NCAM2: variants seen among roughly 807,000 people sequenced by gnomAD.
NCAM2 encodes the protein neural cell adhesion molecule 2.
A neutral mutation model predicts 98.1 loss-of-function variants in NCAM2; 30 were observed. That is an observed-to-expected ratio of 0.31 (90% confidence interval 0.23 to 0.41). The LOEUF (loss-of-function observed/expected upper bound fraction) is 0.41. Ranked by LOEUF, NCAM2 falls within the 10% of genes least tolerant of loss-of-function variation. The probability of loss-of-function intolerance (pLI) is 1.00; values close to 1 mark genes in which losing one functional copy is unlikely to be tolerated. For missense variants in NCAM2, 867 were observed against 1,005.8 expected (o/e 0.86, Z 1.87); for synonymous variants, 368 against 342.4 (o/e 1.07, Z -0.83).
intron 8 of NCAM2, among the ~76,000 whole-genome samples, chr21:21,369,502 G>A: frequency 6.6e-6 from 1 of 151,604 alleles, no homozygotes. Context: ...ACAATTCTCT[G>A]TTTAACATTT....
intron 8 of NCAM2, among the ~76,000 whole-genome samples, chr21:21,362,618 T>C (rs528256122): frequency 6.6e-6 from 1 of 152,264 alleles, no homozygotes; most frequent in African/African-American, 2.4e-5. Context: ...CCATAAATCC[T>C]AGGGCATTGC....
chr21:21,094,128 G>C (rs971795424), intron 1 of NCAM2, among the ~76,000 whole-genome samples: 3 of 151,754 alleles, frequency 2.0e-5, no homozygotes, highest in African/African-American at 7.3e-5. Flanking sequence ...TGATACACTC[G>C]ATGCTAGGGA....
intron 13 of NCAM2, 53 bp from the exon 14 acceptor site, chr21:21,468,609 A>C (rs2250501): frequency 0.52 from 798,021 of 1,521,272 alleles, 216,975 homozygotes; most frequent in African/African-American, 0.59. Context: ...AATATAGTTT[A>C]TCTAGGTATC....
intron 1 of NCAM2, among the ~76,000 whole-genome samples, chr21:21,230,781 T>A (rs1047274667): frequency 1.3e-5 from 2 of 151,326 alleles, no homozygotes; most frequent in African/African-American, 4.8e-5. Flanking sequence ...TTTAAGGGCT[T>A]ATAATTTAAT....
chr21:21,325,477 C>G (rs2074488171), intron 6 of NCAM2, among the ~76,000 whole-genome samples: 1 of 152,116 alleles, frequency 6.6e-6, no homozygotes, highest in African/African-American at 2.4e-5. Flanking sequence ...TGAGATGTTT[C>G]TTCAAATATT....
intron 1 of NCAM2, among the ~76,000 whole-genome samples, chr21:21,034,706 C>T (rs1449441590): frequency 1.3e-5 from 2 of 152,094 alleles, no homozygotes; most frequent in South Asian, 2.1e-4. Context: ...ATGGATAGGG[C>T]TAGAATCTAT....
At chr21:21,458,147 G>T (rs746663438) in intron 12 of NCAM2, among the ~76,000 whole-genome samples, 3 of 152,194 alleles carry the variant, frequency 2.0e-5, no homozygotes, top group Non-Finnish European at 4.4e-5. Context: ...ATCTCACATC[G>T]TGGGCTCTGC....
At chr21:21,098,245 C>T (rs1260514126) in intron 1 of NCAM2, among the ~76,000 whole-genome samples, 1 of 151,234 alleles carries the variant, frequency 6.6e-6, no homozygotes, top group Non-Finnish European at 1.5e-5. Context: ...CTTTGGAAAC[C>T]TAATATTTAT....
At position 21,169,107 on chromosome 21, in the gene NCAM2, C is replaced by T. The variant is rs139256686; in HGVS notation, c.56-111471C>T. Among the ~76,000 whole-genome samples the T allele has an allele frequency of 2.1e-3, 320 of 152,000 alleles. 2 individuals carry two copies. Among genetic ancestry groups the T allele is most frequent in the Non-Finnish European group, 5.3e-4 (36 of 67,950 alleles). ...GGATACACAAATAGATCAATGAAAC[C>T]GAGTAGAGATTCCAGAAGTAGACCC... On this transcript the variant is annotated intron_variant, in intron 1 of 17. Coordinates refer to ENST00000400546, the MANE Select transcript of NCAM2 (RefSeq NM_004540.5).
At chr21:21,373,414 A>G (rs1443671627) in intron 8 of NCAM2, among the ~76,000 whole-genome samples, 1 of 151,934 alleles carries the variant, frequency 6.6e-6, no homozygotes, top group Admixed American at 6.6e-5. Flanking sequence ...ATGTAAATAT[A>G]GAGAGAAAAA....
intron 6 of NCAM2, among the ~76,000 whole-genome samples, chr21:21,328,313 A>G (rs188217476): frequency 4.3e-4 from 65 of 152,284 alleles, no homozygotes; most frequent in African/African-American, 1.5e-3. Flanking sequence ...TTACTGGTTT[A>G]TATATTTACT....
At chr21:21,072,452 G>A (rs943881661) in intron 1 of NCAM2, among the ~76,000 whole-genome samples, 54 of 152,074 alleles carry the variant, frequency 3.6e-4, no homozygotes, top group Non-Finnish European at 6.8e-4. Context: ...AATTTCTAAA[G>A]TTAAAATCAA....
chr21:21,192,336 C>G (rs537559425), intron 1 of NCAM2, among the ~76,000 whole-genome samples: 9 of 151,982 alleles, frequency 5.9e-5, no homozygotes, highest in Non-Finnish European at 1.2e-4. Flanking sequence ...TGACTGTGCT[C>G]TAAAGCAAAG....
At chr21:21,500,221 A>AAATTTGCCATG (rs1987538319) in intron 15 of NCAM2, among the ~76,000 whole-genome samples, 1 of 152,162 alleles carries the variant, frequency 6.6e-6, no homozygotes, top group African/African-American at 2.4e-5. Flanking sequence ...CTTGCTAATG[A>AAATTTGCCATG]AATTTGCCAT....
chr21:20,998,535 A>T lies in NCAM2; in HGVS notation c.-29A>T. Reference sequence around the variant, plus strand: ...TCCAGGGCTGGACTTAATAACTTTGAAACTGTCCACCGGTGTCACGTCCTG... The same window carrying T: ...TCCAGGGCTGGACTTAATAACTTTGTAACTGTCCACCGGTGTCACGTCCTG... On this transcript the variant is annotated 5_prime_UTR_variant, in exon 1 of 18. Transcript: ENST00000400546. 1 of 1,611,830 alleles carries T rather than the reference A, an allele frequency of 6.2e-7. No individual in the cohort carries two copies. The highest frequency in any genetic ancestry group is 8.5e-7 in the Non-Finnish European group (1 of 1,178,126).
chr21:21,225,841 T>A (rs1240172486), intron 1 of NCAM2, among the ~76,000 whole-genome samples: 1 of 152,010 alleles, frequency 6.6e-6, no homozygotes, highest in African/African-American at 2.4e-5. Flanking sequence ...CGTAGTAATA[T>A]CTAAATTATT....
intron 1 of NCAM2, among the ~76,000 whole-genome samples, chr21:21,145,788 A>C (rs902258724): frequency 2.0e-5 from 3 of 152,204 alleles, no homozygotes; most frequent in African/African-American, 7.2e-5. Context: ...CGATAAATAA[A>C]TAAGATGATT....
At chr21:21,109,042 A>G (rs1457069264) in intron 1 of NCAM2, among the ~76,000 whole-genome samples, 1 of 152,142 alleles carries the variant, frequency 6.6e-6, no homozygotes, top group Non-Finnish European at 1.5e-5. Flanking sequence ...TGAAAATAGC[A>G]TAACATATCA....
intron 11 of NCAM2, among the ~76,000 whole-genome samples, chr21:21,428,077 C>T (rs936236729): frequency 6.6e-6 from 1 of 152,200 alleles, no homozygotes; most frequent in Non-Finnish European, 1.5e-5. Context: ...ACTCTCATGA[C>T]ATATCCAGTC....
Sources: allele counts gnomAD v4.1 joint callset (sites outside exome capture counted in the v4.1 genomes callset), GRCh38; gene constraint gnomAD v4.1.1; transcripts MANE v1.5; gene names NCBI Gene and HGNC (gene_info 2026-07-23, HGNC 2026-07-21).